Variants in UBE2K observed in about 807,000 individuals in gnomAD.
The protein encoded by UBE2K is ubiquitin conjugating enzyme E2 K, also known as ubiquitin-conjugating enzyme E2 K.
In UBE2K, 6 loss-of-function variants were observed where a neutral mutation model predicts 30.0. That is an observed-to-expected ratio of 0.20 (90% confidence interval 0.11 to 0.39). The LOEUF (loss-of-function observed/expected upper bound fraction) is 0.39, where lower values mean the gene tolerates loss of function less well. UBE2K is among the 10% of genes least tolerant of loss of function. The pLI is 1.00. For synonymous variants in UBE2K, 86 were observed against 83.7 expected (o/e 1.03, Z -0.15); for missense variants, 61 against 241.6 (o/e 0.25, Z 4.96).
chr4:39,755,781 T>C (rs1276091739), intron 4 of UBE2K, 42 bp downstream of exon 4: 6 of 1,388,284 alleles, frequency 4.3e-6, no homozygotes, highest in Non-Finnish European at 6.0e-6. Context: ...CTCATATGAA[T>C]ACCAAGACTG....
At chr4:39,715,842 T>G (rs995597318) in intron 1 of UBE2K, among the ~76,000 whole-genome samples, 1 of 45,970 alleles carries the variant, frequency 2.2e-5, no homozygotes, top group Non-Finnish European at 3.6e-5. Flanking sequence ...GGAGGACCCG[T>G]TTTTTTTTAT....
intron 2 of UBE2K, among the ~76,000 whole-genome samples, chr4:39,737,830 C>T (rs1259651668): frequency 2.6e-5 from 4 of 152,048 alleles, no homozygotes; most frequent in African/African-American, 9.7e-5. Flanking sequence ...ACTCAGTTAC[C>T]CTTCATATGG....
At chr4:39,709,369 T>G (rs1351331137) in intron 1 of UBE2K, among the ~76,000 whole-genome samples, 2 of 152,060 alleles carry the variant, frequency 1.3e-5, no homozygotes. Context: ...GTCACCTGTG[T>G]GCCAATAATC....
chr4:39,771,002 TGCTCACAAGGCTA>T (rs1478845118), intron 4 of UBE2K: 1 of 1,610,512 alleles, frequency 6.2e-7, no homozygotes, highest in Admixed American at 1.7e-5. Flanking sequence ...GCGCTGACGC[TGCTCACAAGGCTA>T]GCCTCACGGA....
At chr4:39,711,370 G>T (rs1718667312) in intron 1 of UBE2K, among the ~76,000 whole-genome samples, 1 of 151,458 alleles carries the variant, frequency 6.6e-6, no homozygotes. Flanking sequence ...CACCGTGTTA[G>T]CCTGGATGGT....
intron 1 of UBE2K, among the ~76,000 whole-genome samples, chr4:39,707,999 C>T (rs1160013983): frequency 2.6e-5 from 4 of 151,914 alleles, no homozygotes; most frequent in African/African-American, 7.2e-5. Context: ...CGGGTTCAAG[C>T]GATTCTCCTG....
chr4:39,760,764 T>A (rs1323957227), intron 4 of UBE2K, among the ~76,000 whole-genome samples: 1 of 151,750 alleles, frequency 6.6e-6, no homozygotes, highest in Non-Finnish European at 1.5e-5. Flanking sequence ...ACAGCGAGAC[T>A]CCGTCTCAAA....
chr4:39,719,021 G>A (rs572806238), intron 1 of UBE2K, among the ~76,000 whole-genome samples: 6 of 152,378 alleles, frequency 3.9e-5, no homozygotes, highest in Admixed American at 3.9e-4. Context: ...GAGGCACCAA[G>A]AGTGAGCAAG....
chr4:39,715,219 T>C (rs462069), intron 1 of UBE2K, among the ~76,000 whole-genome samples: 143,533 of 151,700 alleles, frequency 0.95, 67,939 homozygotes, highest in East Asian at 1. Context: ...TTAGTAGAGA[T>C]GGGGTTTCAC....
At chr4:39,761,380 T>C (rs774362218) in intron 4 of UBE2K, 9 of 152,242 alleles carry the variant, frequency 5.9e-5, no homozygotes, top group Non-Finnish European at 1.2e-4. Context: ...GGTTTAATTA[T>C]TGATGATCTG....
intron 5 of UBE2K, among the ~76,000 whole-genome samples, chr4:39,775,682 G>A (rs1337301424): frequency 6.6e-6 from 1 of 152,156 alleles, no homozygotes; most frequent in East Asian, 1.9e-4. Context: ...AACCTGGGTG[G>A]CAGAGGTTGC....
chr4:39,701,071 T>G (rs560251782), intron 1 of UBE2K, among the ~76,000 whole-genome samples: 3 of 152,314 alleles, frequency 2.0e-5, no homozygotes, highest in African/African-American at 7.2e-5. Flanking sequence ...CATACAAATG[T>G]GATTTACTTA....
chr4:39,720,077 G>A (rs898762838), intron 1 of UBE2K, among the ~76,000 whole-genome samples: 2 of 152,200 alleles, frequency 1.3e-5, no homozygotes, highest in African/African-American at 2.4e-5. Flanking sequence ...CTGCTAAGCA[G>A]GAGATACTTG....
rs780366406 is a variant in UBE2K, at chr4:39,733,370, A to G, written c.64-4050A>G. ...TTTTTTTGAGACAGAATCTCGGTCT[A>G]TCATCCAGGCTGCATGTAGTGGTGC... On this transcript the variant is annotated intron_variant, in intron 1 of 6. Coordinates refer to ENST00000261427, the MANE Select transcript of UBE2K (RefSeq NM_005339.5). Among the ~76,000 whole-genome samples, 210 of 127,854 alleles carry G rather than the reference A, an allele frequency of 1.6e-3. No individual in the cohort carries two copies. The Middle Eastern group carries it at 0.026, about 16-fold the overall frequency. The allele number at this position is 127,854 out of a possible 152,430, so 83.9% of individuals were successfully genotyped here.
intron 2 of UBE2K, among the ~76,000 whole-genome samples, chr4:39,740,679 G>A (rs916788665): frequency 1.3e-5 from 2 of 150,404 alleles, no homozygotes; most frequent in South Asian, 2.1e-4. Flanking sequence ...TGGCTAACAC[G>A]ATGAAACCCC....
intron 3 of UBE2K, among the ~76,000 whole-genome samples, chr4:39,749,325 A>C (rs1329116293): frequency 1.4e-4 from 22 of 152,210 alleles, no homozygotes; most frequent in Admixed American, 1.3e-3. Context: ...TGTGTTAGTG[A>C]AAAAATCATT....
chr4:39,769,937 C>G (rs1712654144), intron 4 of UBE2K: 3 of 605,620 alleles, frequency 5.0e-6, no homozygotes, highest in Non-Finnish European at 8.5e-6. Flanking sequence ...ATCATCTTCC[C>G]TCTCTCAGGA....
intron 3 of UBE2K, among the ~76,000 whole-genome samples, chr4:39,750,061 G>A (rs1410515099): frequency 1.3e-5 from 2 of 152,008 alleles, no homozygotes; most frequent in Non-Finnish European, 2.9e-5. Context: ...AGGTGTAGTG[G>A]CACGTGCCTG....
At chr4:39,777,540 G>T in intron 5 of UBE2K, 142 bp from the exon 6 acceptor site, 1 of 744,318 alleles carries the variant, frequency 1.3e-6, no homozygotes, top group South Asian at 3.8e-5. Context: ...AGTGACATAG[G>T]TTGTCTATAA....
Sources: gnomAD v4.1 joint callset for allele counts (sites outside exome capture counted in the v4.1 genomes callset) on GRCh38, gnomAD v4.1.1 for gene constraint, MANE v1.5 for transcripts, NCBI Gene and HGNC (gene_info 2026-07-23, HGNC 2026-07-21) for gene names.